The following PAIP2 variants were observed in gnomAD, a reference collection of about 807,000 sequenced individuals.
PAIP2 encodes polyadenylate-binding protein-interacting protein 2.
In PAIP2, 7 loss-of-function variants were observed where a neutral mutation model predicts 14.8. The ratio of observed to expected loss-of-function variants is 0.47; its 90% CI spans 0.27 to 0.89. The LOEUF is 0.89. PAIP2 is among the 40% of genes least tolerant of loss of function. PAIP2 has a pLI of 0.13. For synonymous variants in PAIP2, 47 were observed against 45.3 expected (o/e 1.04, Z -0.15); for missense variants, 122 against 154.7 (o/e 0.79, Z 1.12).
chr5:139,352,488 G>GTTTTTT (rs1185620394), intron 1 of PAIP2, among the ~76,000 whole-genome samples: 7 of 94,836 alleles, frequency 7.4e-5, no homozygotes, highest in African/African-American at 1.9e-4. Flanking sequence ...ATTCCTGCCA[G>GTTTTTT]TTTTTTTTTT....
intron 1 of PAIP2, among the ~76,000 whole-genome samples, chr5:139,353,720 T>G (rs1294318881): frequency 9.6e-6 from 1 of 104,374 alleles, no homozygotes; most frequent in Non-Finnish European, 2.7e-5. Context: ...TGCATTGTCT[T>G]TTCTTTTTTT....
chr5:139,364,945 G>C (rs2152055323), intron 3 of PAIP2: 2 of 370,304 alleles, frequency 5.4e-6, no homozygotes, highest in Admixed American at 8.9e-5. Flanking sequence ...AGGAGTTTGA[G>C]ACCAGCCTGA....
chr5:139,364,224 G>T (rs952080029), intron 2 of PAIP2, among the ~76,000 whole-genome samples: 1 of 152,166 alleles, frequency 6.6e-6, no homozygotes, highest in Non-Finnish European at 1.5e-5. Flanking sequence ...GGAAACCACT[G>T]CCTTATGCCA....
chr5:139,355,200 A>G (rs1449079434), intron 1 of PAIP2, among the ~76,000 whole-genome samples: 1 of 86,552 alleles, frequency 1.2e-5, no homozygotes, highest in African/African-American at 4.7e-5. Flanking sequence ...CAGAGTTTTC[A>G]CTCTTGTTGC....
In PAIP2 at chr5:139,352,488, G is replaced by GTTTTTTTTTTTTTTTT. The variant is rs1185620394; in HGVS notation, c.-27+10518_-27+10519insTTTTTTTTTTTTTTTT. On this transcript the variant is annotated intron_variant, in intron 1 of 3. Coordinates refer to ENST00000265192, the MANE Select transcript of PAIP2 (RefSeq NM_016480.5). The stretch of plus-strand genomic sequence containing the variant: ...TGGCTTTCTCAGTTAATTCCTGCCA[G>GTTTTTTTTTTTTTTTT]TTTTTTTTTTGTTGTTTTTTTTTTT... Among the ~76,000 whole-genome samples, 71 of 94,832 alleles carry GTTTTTTTTTTTTTTTT rather than the reference G, an allele frequency of 7.5e-4. 4 individuals carry two copies. The highest frequency in any genetic ancestry group is 2.1e-3 in the African/African-American group (66 of 31,608). 62.2% of individuals were successfully genotyped at this position (94,832 alleles called of 152,430 possible).
At chr5:139,350,021 A>G (rs1428424054) in intron 1 of PAIP2, among the ~76,000 whole-genome samples, 1 of 151,664 alleles carries the variant, frequency 6.6e-6, no homozygotes, top group Non-Finnish European at 1.5e-5. Context: ...AATAAGAAAT[A>G]AAAGTTAGCC....
intron 1 of PAIP2, among the ~76,000 whole-genome samples, chr5:139,351,917 A>C (rs951902475): frequency 6.6e-6 from 1 of 152,154 alleles, no homozygotes; most frequent in Non-Finnish European, 1.5e-5. Context: ...GCATCGGCCT[A>C]CACTTCAATG....
intron 1 of PAIP2, among the ~76,000 whole-genome samples, chr5:139,359,209 A>G (rs1757001785): frequency 6.6e-6 from 1 of 151,982 alleles, no homozygotes; most frequent in African/African-American, 2.4e-5. Flanking sequence ...CGATCTTGGC[A>G]CACTGGAACC....
At chr5:139,358,960 A>C (rs896349919) in intron 1 of PAIP2, among the ~76,000 whole-genome samples, 2 of 152,130 alleles carry the variant, frequency 1.3e-5, no homozygotes, top group African/African-American at 4.8e-5. Flanking sequence ...AAACCACTGA[A>C]TCAAACACTT....
chr5:139,363,737 A>T, intron 1 of PAIP2, 22 bp from the exon 2 acceptor site: 1 of 1,598,434 alleles, frequency 6.3e-7, no homozygotes, highest in African/African-American at 1.3e-5. Context: ...AAGTAAATTA[A>T]CTGTGCTGTT....
At chr5:139,356,176 G>A (rs755585919) in intron 1 of PAIP2, among the ~76,000 whole-genome samples, 4 of 151,438 alleles carry the variant, frequency 2.6e-5, no homozygotes, top group Non-Finnish European at 5.9e-5. Context: ...GGCTGGGCAC[G>A]GTGGCTCACG....
chr5:139,368,446 TTGAACC>T (rs1281782348), intron 3 of PAIP2, among the ~76,000 whole-genome samples: 8 of 151,922 alleles, frequency 5.3e-5, no homozygotes, highest in African/African-American at 1.9e-4. Context: ...GGAGAATCGC[TTGAACC>T]CAGGTGGCAG....
chr5:139,343,755 G>GGCTGGAGT (rs1226588215), intron 1 of PAIP2, among the ~76,000 whole-genome samples: 24 of 141,704 alleles, frequency 1.7e-4, no homozygotes, highest in African/African-American at 5.9e-4. Context: ...TCTGTCGCCA[G>GGCTGGAGT]GCTGGAGTGC....
Position 139,364,724 on chromosome 5 carries a change from C to G in PAIP2, c.299C>G (p.Ser100Cys), listed in dbSNP as rs772453163. The change falls in exon 3 of 4, where the codon TCT (serine) becomes TGT (cysteine). Residue 100 changes from serine to cysteine, a missense_variant. By Grantham distance (112) the Ser-to-Cys change is moderately radical. Transcript: ENST00000265192. ...QFNDLVISDG[S>C]SLEDLVVKSN... ...AATGACCTTGTTATCAGTGATGGCT[C>G]TTCTCTGGAAGATCTTGTGGTAAAA... 6.2e-7 allele frequency: 1 copy of G among 1,605,420 alleles called. No homozygotes were observed. Among genetic ancestry groups the G allele is most frequent in the Non-Finnish European group, 8.5e-7 (1 of 1,175,784 alleles).
chr5:139,345,626 AT>A (rs34133705), intron 1 of PAIP2, among the ~76,000 whole-genome samples: 1,726 of 138,954 alleles, frequency 0.012, 16 homozygotes, highest in African/African-American at 0.032. Flanking sequence ...CTATGCTTGA[AT>A]TTTTTTTTTT....
chr5:139,347,903 G>A (rs1300871725), intron 1 of PAIP2, among the ~76,000 whole-genome samples: 3 of 152,160 alleles, frequency 2.0e-5, no homozygotes, highest in Non-Finnish European at 4.4e-5. Flanking sequence ...CCAGTGTGGT[G>A]GCTCATATCT....
intron 1 of PAIP2, among the ~76,000 whole-genome samples, chr5:139,357,427 A>T (rs1355446129): frequency 6.6e-6 from 1 of 152,130 alleles, no homozygotes. Flanking sequence ...ATTTACCCTT[A>T]ACTGTTTTTG....
At chr5:139,357,830 C>CA (rs1756959826) in intron 1 of PAIP2, among the ~76,000 whole-genome samples, 1 of 151,968 alleles carries the variant, frequency 6.6e-6, no homozygotes, top group African/African-American at 2.4e-5. Flanking sequence ...GATTCCATCT[C>CA]AAAAAAATAA....
At chr5:139,349,209 A>C (rs1756651321) in intron 1 of PAIP2, among the ~76,000 whole-genome samples, 1 of 152,194 alleles carries the variant, frequency 6.6e-6, no homozygotes, top group East Asian at 1.9e-4. Context: ...AAGGAAAGGC[A>C]TTCTAAATGG....
Sources: gnomAD v4.1 joint callset for allele counts (sites outside exome capture counted in the v4.1 genomes callset) on GRCh38, gnomAD v4.1.1 for gene constraint, MANE v1.5 for transcripts, NCBI Gene and HGNC (gene_info 2026-07-23, HGNC 2026-07-21) for gene names.